LRCH1: variants seen among roughly 807,000 people sequenced by gnomAD.
The protein encoded by LRCH1 is leucine-rich repeat and calponin homology domain-containing protein 1.
Under a neutral mutation model 94.9 loss-of-function variants are expected in LRCH1, and 23 were observed. That is an observed-to-expected ratio of 0.24 (90% CI 0.17 to 0.34). LRCH1 has a LOEUF of 0.34. Ranked by LOEUF, LRCH1 falls within the 10% of genes least tolerant of loss-of-function variation. The pLI is 1.00. For missense variants in LRCH1, 790 were observed against 945.9 expected (o/e 0.84, Z 2.16); for synonymous variants, 364 against 354.9 (o/e 1.03, Z -0.29).
chr13:46,722,328 C>G lies in LRCH1; in HGVS notation c.1760-893C>G, dbSNP rs143977131. On this transcript the variant is annotated intron_variant, in intron 16 of 19. Coordinates refer to ENST00000389797, the MANE Select transcript of LRCH1 (RefSeq NM_001164211.2). ...GAGCCAAGGCTCTGAACAGCTCTTT[C>G]ATCCATCTTATGTGCAAGGATAAAA... Among the ~76,000 whole-genome samples, 419 of 152,092 alleles carry G rather than the reference C, an allele frequency of 2.8e-3. 5 individuals are homozygous for G. The highest frequency in any genetic ancestry group is 0.02 in the Admixed American group (313 of 15,276).
chr13:46,647,334 TC>T (rs1248686901), intron 1 of LRCH1, among the ~76,000 whole-genome samples: 1 of 152,178 alleles, frequency 6.6e-6, no homozygotes, highest in Non-Finnish European at 1.5e-5. Context: ...AAAAATACTA[TC>T]CCATTTAGTT....
chr13:46,574,321 CCTA>C (rs1374871124), intron 1 of LRCH1, among the ~76,000 whole-genome samples: 1 of 151,756 alleles, frequency 6.6e-6, no homozygotes, highest in Non-Finnish European at 1.5e-5. Flanking sequence ...AATATATATA[CCTA>C]CTATGTACCC....
At chr13:46,600,503 C>G (rs2050615672) in intron 1 of LRCH1, among the ~76,000 whole-genome samples, 1 of 152,124 alleles carries the variant, frequency 6.6e-6, no homozygotes, top group South Asian at 2.1e-4. Flanking sequence ...CCTTTGGCTG[C>G]AGTTATTCAA....
chr13:46,712,140 C>G (rs1872096091), intron 14 of LRCH1, among the ~76,000 whole-genome samples: 2 of 152,148 alleles, frequency 1.3e-5, no homozygotes, highest in Admixed American at 1.3e-4. Flanking sequence ...ATAAATGATT[C>G]AGTGTGTGAT....
At chr13:46,577,161 A>C (rs1211676930) in intron 1 of LRCH1, among the ~76,000 whole-genome samples, 4 of 152,128 alleles carry the variant, frequency 2.6e-5, no homozygotes, top group Non-Finnish European at 5.9e-5. Context: ...CCTCGGTGCC[A>C]TCTCGGCTCA....
At chr13:46,646,997 C>A (rs984500064) in intron 1 of LRCH1, among the ~76,000 whole-genome samples, 18 of 151,664 alleles carry the variant, frequency 1.2e-4, no homozygotes, top group African/African-American at 4.4e-4. Context: ...CCTGTAGTCC[C>A]AGCTACTGAG....
intron 3 of LRCH1, among the ~76,000 whole-genome samples, chr13:46,669,841 A>C (rs552687170): frequency 6.6e-6 from 1 of 152,350 alleles, no homozygotes; most frequent in East Asian, 1.9e-4. Context: ...TCAGGCTGAA[A>C]GGTGATAGTC....
intron 1 of LRCH1, among the ~76,000 whole-genome samples, chr13:46,575,835 T>C (rs756719724): frequency 1.5e-4 from 23 of 152,120 alleles, no homozygotes; most frequent in Non-Finnish European, 2.6e-4. Flanking sequence ...TCTTTTTGGC[T>C]AAAATGAGAG....
At chr13:46,705,891 T>A (rs1166135516) in intron 13 of LRCH1, among the ~76,000 whole-genome samples, 2 of 152,154 alleles carry the variant, frequency 1.3e-5, no homozygotes, top group African/African-American at 4.8e-5. Flanking sequence ...TAGAATGTCC[T>A]AAAGCCAGAA....
chr13:46,731,378 C>T (rs539703432), intron 18 of LRCH1, among the ~76,000 whole-genome samples: 2 of 152,064 alleles, frequency 1.3e-5, no homozygotes, highest in South Asian at 4.2e-4. Flanking sequence ...TTACAGGTGC[C>T]CACCACCACG....
chr13:46,723,734 A>T, intron 17 of LRCH1, among the ~76,000 whole-genome samples: 1 of 152,106 alleles, frequency 6.6e-6, no homozygotes, highest in East Asian at 1.9e-4. Context: ...CAGGAATGCG[A>T]GGCTGCAGTG....
At chr13:46,750,698 T>C (rs1439685235) in exon 19 of LRCH1, 10 of 1,323,326 alleles carry the variant, frequency 7.6e-6, no homozygotes, top group Non-Finnish European at 1.1e-5. Flanking sequence ...TCATCCAGGA[T>C]CCTGAACTCT....
At chr13:46,675,351 G>GT (rs76393352) in intron 3 of LRCH1, among the ~76,000 whole-genome samples, 10,079 of 151,082 alleles carry the variant, frequency 0.067, 430 homozygotes, top group East Asian at 0.21. Flanking sequence ...GTCCAGAGAT[G>GT]TTTTTTTTTC....
chr13:46,585,157 A>AG (rs2050416772), intron 1 of LRCH1, among the ~76,000 whole-genome samples: 1 of 152,256 alleles, frequency 6.6e-6, no homozygotes, highest in African/African-American at 2.4e-5. Context: ...ATGTTTAGTA[A>AG]GGCTTTAGAA....
intron 19 of LRCH1, among the ~76,000 whole-genome samples, chr13:46,738,325 A>C (rs1377464360): frequency 6.6e-6 from 1 of 152,248 alleles, no homozygotes; most frequent in Non-Finnish European, 1.5e-5. Context: ...AAAACCCTAA[A>C]GTACATTCAG....
chr13:46,623,576 GAT>G (rs2050905849), intron 1 of LRCH1, among the ~76,000 whole-genome samples: 1 of 151,788 alleles, frequency 6.6e-6, no homozygotes, highest in African/African-American at 2.4e-5. Flanking sequence ...TTCCTCTAGG[GAT>G]ATGTTTAAGT....
chr13:46,713,667 A>G (rs1872182343), intron 15 of LRCH1, among the ~76,000 whole-genome samples: 1 of 152,234 alleles, frequency 6.6e-6, no homozygotes, highest in African/African-American at 2.4e-5. Flanking sequence ...CAAATTTTAC[A>G]TGAAATAAAA....
chr13:46,695,714 G>A (rs1029140377), intron 9 of LRCH1, among the ~76,000 whole-genome samples: 10 of 152,246 alleles, frequency 6.6e-5, no homozygotes, highest in East Asian at 1.9e-4. Flanking sequence ...CTGTGGCTTC[G>A]AGGTAACTTC....
In LRCH1 at chr13:46,660,034, CT is replaced by C. The variant is rs767544799; in HGVS notation, c.453-8981del. Among the ~76,000 whole-genome samples the C allele has an allele frequency of 8.2e-4, 85 of 103,630 alleles. 3 individuals are homozygous for C. Among genetic ancestry groups the C allele is most frequent in the East Asian group, 2.4e-3 (7 of 2,862 alleles). 68.0% of individuals were successfully genotyped at this position (103,630 alleles called of 152,430 possible). ...CACTTTCTGTATTCCTTAGGAGTCACTTTTTTTTTTTTTTTGAGACAGGCTG... is the reference window on the plus strand; with the variant it reads ...CACTTTCTGTATTCCTTAGGAGTCACTTTTTTTTTTTTTTGAGACAGGCTG... On this transcript the variant is annotated intron_variant, in intron 2 of 19. Transcript: ENST00000389797.
Sources: gnomAD v4.1 joint callset for allele counts (sites outside exome capture counted in the v4.1 genomes callset) on GRCh38, gnomAD v4.1.1 for gene constraint, MANE v1.5 for transcripts, NCBI Gene and HGNC (gene_info 2026-07-23, HGNC 2026-07-21) for gene names.